Variants in XRCC4 observed in about 807,000 individuals in gnomAD.
The protein encoded by XRCC4 is X-ray repair cross complementing 4.
A neutral mutation model predicts 39.1 loss-of-function variants in XRCC4; 28 were observed. The observed-to-expected ratio is 0.72, with a 90% CI of 0.53 to 0.98. The LOEUF (loss-of-function observed/expected upper bound fraction) is 0.98, where lower values mean the gene tolerates loss of function less well. Among genes scored for constraint, XRCC4 ranks in the 50% least tolerant of loss-of-function variants. The probability of loss-of-function intolerance (pLI) is 0.00; values close to 1 mark genes in which losing one functional copy is unlikely to be tolerated. For synonymous variants in XRCC4, 123 were observed against 126.4 expected (o/e 0.97, Z 0.18); for missense variants, 350 against 376.4 (o/e 0.93, Z 0.58).
chr5:83,353,484 G>T lies in XRCC4; in HGVS notation c.*242G>T, dbSNP rs781721547. 1 of 295,784 alleles carries T rather than the reference G, an allele frequency of 3.4e-6. No individual in the cohort carries two copies. Among genetic ancestry groups the T allele is most frequent in the Admixed American group, 5.0e-5 (1 of 19,912 alleles). 18.3% of individuals were successfully genotyped at this position (295,784 alleles called of 1,614,324 possible). ...CAGCATGCCTATAATTACATAAATTGTATGAGACTTTTTGTTGCAAAGGAC... is the reference window on the plus strand; with the variant it reads ...CAGCATGCCTATAATTACATAAATTTTATGAGACTTTTTGTTGCAAAGGAC... On this transcript the variant is annotated 3_prime_UTR_variant, in exon 8 of 8. Transcript: ENST00000396027.
intron 7 of XRCC4, among the ~76,000 whole-genome samples, chr5:83,344,760 G>T (rs1161368944): frequency 5.9e-5 from 9 of 152,092 alleles, no homozygotes; most frequent in Non-Finnish European, 1.5e-5. Flanking sequence ...TTTCTCAAGG[G>T]AATGTACCTA....
In XRCC4 at chr5:83,194,029, T is replaced by A. The variant is rs1393459122; in HGVS notation, c.316-1741T>A. The stretch of plus-strand genomic sequence containing the variant: ...GCTCACTGCAACCTGTGTCTCGCGG[T>A]TCAAGCGATCCTTGTGCCTCAGCCT... On this transcript the variant is annotated intron_variant, in intron 3 of 7. Transcript: ENST00000396027. Among the ~76,000 whole-genome samples the A allele has an allele frequency of 5.9e-5, 9 of 152,234 alleles. 1 individual carries two copies. The highest frequency in any genetic ancestry group is 5.9e-4 in the Admixed American group (9 of 15,282).
At chr5:83,190,536 A>G (rs973868313) in intron 3 of XRCC4, among the ~76,000 whole-genome samples, 4 of 152,126 alleles carry the variant, frequency 2.6e-5, no homozygotes. Context: ...CTTGTTTCCC[A>G]GGATAGTAAT....
At chr5:83,284,951 A>G (rs1754682338) in intron 7 of XRCC4, among the ~76,000 whole-genome samples, 1 of 152,144 alleles carries the variant, frequency 6.6e-6, no homozygotes. Flanking sequence ...TTTAGTTTTG[A>G]CATACACCCT....
chr5:83,231,032 A>G (rs1162685259), intron 6 of XRCC4, among the ~76,000 whole-genome samples: 1 of 151,988 alleles, frequency 6.6e-6, no homozygotes. Context: ...CAGTGTCAGG[A>G]TTATGAAAGT....
intron 7 of XRCC4, among the ~76,000 whole-genome samples, chr5:83,270,124 A>G (rs1197254000): frequency 6.6e-6 from 1 of 152,104 alleles, no homozygotes; most frequent in Non-Finnish European, 1.5e-5. Flanking sequence ...ACAGTTCACA[A>G]TAGGATTTGT....
chr5:83,104,609 C>T (rs1353787777), intron 1 of XRCC4, among the ~76,000 whole-genome samples: 1 of 152,128 alleles, frequency 6.6e-6, no homozygotes, highest in African/African-American at 2.4e-5. Context: ...TGAGACACCG[C>T]GCCCAGCTGA....
chr5:83,206,798 G>A (rs1751439652), intron 6 of XRCC4, among the ~76,000 whole-genome samples: 1 of 152,168 alleles, frequency 6.6e-6, no homozygotes, highest in African/African-American at 2.4e-5. Flanking sequence ...AATATAAGTG[G>A]ATGGGATCCA....
chr5:83,167,163 T>C (rs1374001980), intron 3 of XRCC4, among the ~76,000 whole-genome samples: 2 of 152,148 alleles, frequency 1.3e-5, no homozygotes, highest in Non-Finnish European at 2.9e-5. Context: ...ATTACAGGCA[T>C]GAGCTACTGA....
intron 7 of XRCC4, chr5:83,310,645 G>C: frequency 2.7e-6 from 1 of 372,948 alleles, no homozygotes; most frequent in South Asian, 2.1e-5. Flanking sequence ...AAGATAATCA[G>C]GAGTGACTCC....
At chr5:83,283,000 T>G (rs1408417168) in intron 7 of XRCC4, among the ~76,000 whole-genome samples, 1 of 151,390 alleles carries the variant, frequency 6.6e-6, no homozygotes, top group African/African-American at 2.4e-5. Flanking sequence ...TGGATTTTTC[T>G]GTGTTTTCCA....
intron 6 of XRCC4, among the ~76,000 whole-genome samples, chr5:83,254,046 T>C (rs1196126740): frequency 6.6e-6 from 1 of 151,576 alleles, no homozygotes; most frequent in Non-Finnish European, 1.5e-5. Context: ...CAATCAGTAT[T>C]CCAGCTGTAG....
chr5:83,193,562 G>T (rs962134523), intron 3 of XRCC4, among the ~76,000 whole-genome samples: 1 of 152,164 alleles, frequency 6.6e-6, no homozygotes, highest in Non-Finnish European at 1.5e-5. Flanking sequence ...GTTGTTATTA[G>T]TGATTTAAAA....
At chr5:83,132,409 T>G (rs1267643001) in intron 3 of XRCC4, among the ~76,000 whole-genome samples, 1 of 152,164 alleles carries the variant, frequency 6.6e-6, no homozygotes, top group Admixed American at 6.6e-5. Context: ...CTGTATTTCC[T>G]GAATTTGAAT....
intron 6 of XRCC4, among the ~76,000 whole-genome samples, chr5:83,253,353 G>A (rs115182359): frequency 0.012 from 1,899 of 152,146 alleles, 21 homozygotes; most frequent in Non-Finnish European, 0.02. Flanking sequence ...TTGGTTGGTT[G>A]GTTTGTCTGT....
chr5:83,363,524 T>C, the XRCC4 span, among the ~76,000 whole-genome samples: 4 of 152,104 alleles, frequency 2.6e-5, no homozygotes, highest in African/African-American at 9.7e-5. Flanking sequence ...TTGCTGACTG[T>C]GTAATCCGCC....
intron 7 of XRCC4, among the ~76,000 whole-genome samples, chr5:83,284,191 A>C (rs1348189556): frequency 6.6e-6 from 1 of 151,758 alleles, no homozygotes; most frequent in Non-Finnish European, 1.5e-5. Flanking sequence ...CTTAGAAAAG[A>C]GGGATTTTGT....
chr5:83,295,873 G>T (rs1489559756), intron 7 of XRCC4, among the ~76,000 whole-genome samples: 1 of 151,998 alleles, frequency 6.6e-6, no homozygotes, highest in Non-Finnish European at 1.5e-5. Flanking sequence ...TTTAAAGAGG[G>T]AACTGTGTTA....
rs191859223 is a variant in XRCC4, at chr5:83,291,067, C to T, written c.893+32390C>T. On this transcript the variant is annotated intron_variant, in intron 7 of 7. Transcript: ENST00000396027. ...GCTGGTATCTTGTAATCTCTCTAAA[C>T]ATTTACATATGTAAATATTTGTGTA... Among the ~76,000 whole-genome samples, 19 of 151,926 alleles carry T rather than the reference C, an allele frequency of 1.3e-4. 1 individual carries two copies. In the East Asian group the frequency reaches 3.7e-3, roughly 29 times the overall value.
Sources: allele counts gnomAD v4.1 joint callset (sites outside exome capture counted in the v4.1 genomes callset), GRCh38; gene constraint gnomAD v4.1.1; transcripts MANE v1.5; gene names NCBI Gene and HGNC (gene_info 2026-07-23, HGNC 2026-07-21).